OFD1: variants seen among roughly 807,000 people sequenced by gnomAD.
OFD1 encodes OFD1 centriole and centriolar satellite protein, also known as centriole and centriolar satellite protein OFD1.
In OFD1, 12 loss-of-function variants were observed where a neutral mutation model predicts 81.4. That is an observed-to-expected ratio of 0.15 (90% CI 0.09 to 0.24). The LOEUF is 0.24. Among genes scored for constraint, OFD1 ranks in the 10% least tolerant of loss-of-function variants. The pLI is 1.00. For synonymous variants in OFD1, 256 were observed against 263.7 expected (o/e 0.97, Z 0.28); for missense variants, 685 against 733.9 (o/e 0.93, Z 0.77).
the OFD1 span, among the ~76,000 whole-genome samples, chrX:13,715,029 C>T: frequency 8.9e-6 from 1 of 112,566 alleles, no homozygotes; most frequent in Non-Finnish European, 1.9e-5. Context: ...AAAGGCATTG[C>T]TGATTTTTAT....
At chrX:13,737,249 CTTGTT>C (rs1275985046) in intron 3 of OFD1, among the ~76,000 whole-genome samples, 1 of 103,580 alleles carries the variant, frequency 9.7e-6, no homozygotes, top group Non-Finnish European at 2.0e-5. Flanking sequence ...ATTAAAAACA[CTTGTT>C]TTTTTTTTTT....
chrX:13,756,867 A>T, intron 13 of OFD1, 100 bp downstream of exon 13: 1 of 657,382 alleles, frequency 1.5e-6, no homozygotes, highest in East Asian at 3.3e-5. Context: ...TAGGGGGCTT[A>T]CATTGGGAAG....
At chrX:13,753,002 TC>T in intron 10 of OFD1, 1 of 898,970 alleles carries the variant, frequency 1.1e-6, no homozygotes. Flanking sequence ...GAAGTGACCG[TC>T]TGATTATCAT....
intron 6 of OFD1, among the ~76,000 whole-genome samples, chrX:13,746,083 C>T (rs1411040630): frequency 5.4e-5 from 6 of 111,978 alleles, no homozygotes; most frequent in Non-Finnish European, 7.5e-5. Context: ...ACAATTTTAG[C>T]GAACACTTGT....
intron 3 of OFD1, 89 bp downstream of exon 3, chrX:13,736,767 C>T: frequency 1.5e-6 from 1 of 653,724 alleles, no homozygotes; most frequent in Admixed American, 2.5e-5. Flanking sequence ...GCTAAGTGCT[C>T]CTCGACTAGG....
chrX:13,739,616 C>T (rs772006902), intron 5 of OFD1: 1 of 116,539 alleles, frequency 8.6e-6, no homozygotes, highest in Non-Finnish European at 1.8e-5. Context: ...GGCGTAGTGG[C>T]GCATGCTTGT....
intron 5 of OFD1, among the ~76,000 whole-genome samples, chrX:13,740,567 CT>C (rs2047052664): frequency 9.0e-6 from 1 of 111,031 alleles, no homozygotes; most frequent in Admixed American, 9.6e-5. Flanking sequence ...GCAAACCTGG[CT>C]GATCACTTGA....
At chrX:13,761,305 G>A in intron 17 of OFD1, 94 bp downstream of exon 17, 1 of 865,695 alleles carries the variant, frequency 1.2e-6, no homozygotes, top group Non-Finnish European at 1.7e-6. Flanking sequence ...TTTTTTTTGA[G>A]ATAATTATTA....
At chrX:13,769,372 A>AGGTT (rs1780343643), downstream of OFD1, 5 of 342,395 alleles carry the variant, frequency 1.5e-5, no homozygotes, top group Admixed American at 5.2e-5. Flanking sequence ...TTTTTGTCTT[A>AGGTT]AATTTATAAA....
At chrX:13,733,647 A>C (rs148892043), upstream of OFD1, among the ~76,000 whole-genome samples, 2,003 of 112,045 alleles carry the variant, frequency 0.018, 40 homozygotes, top group African/African-American at 0.062. Flanking sequence ...CTGACATCCA[A>C]TTCTGTCCTC....
chrX:13,739,428 T>C (rs2047001611), intron 5 of OFD1: 1 of 151,039 alleles, frequency 6.6e-6, no homozygotes, highest in Admixed American at 7.5e-5. Flanking sequence ...TGTTCAGTAA[T>C]GTGTTATATA....
At position 13,746,370 on chromosome X, in the gene OFD1, G is replaced by A. The variant is rs150560046; in HGVS notation, c.569G>A (p.Arg190His). ...DDQFADAYPQ[R>H]IKFESLEIKL... ...CAGTTTGCAGATGCTTACCCTCAGC[G>A]TATCAAGTTCGAATCTTTAGAAATA... The change falls in exon 7 of 23, where the codon CGT becomes CAT. Residue 190 changes from arginine (R) to histidine (H), a missense_variant. Transcript: ENST00000340096. 29 of 1,202,300 alleles carry A rather than the reference G, an allele frequency of 2.4e-5. No individual in the cohort carries two copies. The highest frequency in any genetic ancestry group is 3.5e-5 in the South Asian group (2 of 56,621).
At chrX:13,727,268 A>AAC in the OFD1 span, among the ~76,000 whole-genome samples, 1 of 112,015 alleles carries the variant, frequency 8.9e-6, no homozygotes, top group African/African-American at 3.2e-5. Context: ...ACATCTACAG[A>AAC]ACTCTCCACC....
chrX:13,727,908 T>A, the OFD1 span, among the ~76,000 whole-genome samples: 1 of 111,110 alleles, frequency 9.0e-6, no homozygotes, highest in Non-Finnish European at 1.9e-5. Context: ...TAAAAAATGA[T>A]AAAGGGGATA....
At chrX:13,722,208 C>CCAAAAAAAAAAAAAAAA in the OFD1 span, 1 of 36,116 alleles carries the variant, frequency 2.8e-5, no homozygotes, top group African/African-American at 1.2e-4. Context: ...TAAGCAGCAG[C>CCAAAAAAAAAAAAAAAA]AAAAAAAAAA....
the OFD1 span, among the ~76,000 whole-genome samples, chrX:13,717,034 TAAAAAAAAAAAAAAAA>T: frequency 2.3e-3 from 88 of 37,944 alleles, no homozygotes; most frequent in African/African-American, 9.5e-3. Flanking sequence ...GATACTATGT[TAAAAAAAAAAAAAAAA>T]AAAAAAAAAA....
chrX:13,735,299 A>C lies in OFD1; in HGVS notation c.64A>C (p.Lys22Gln). 1 of 1,211,379 alleles carries C rather than the reference A, an allele frequency of 8.3e-7. No individual in the cohort carries two copies. Among genetic ancestry groups the C allele is most frequent in the Non-Finnish European group, 1.1e-6 (1 of 895,076 alleles). ...DVLSQDELRK[K>Q]LYQTFKDRGI... ...GTTGAGTCAAGATGAACTGCGCAAA[A>C]AGCTATACCAGACGTTTAAGGATCG... Residue 22 changes from lysine (K) to glutamine (Q), a missense_variant, in exon 2 of 23, where the codon AAG becomes CAG. By Grantham distance (53) the Lys-to-Gln change is moderately conservative. Around this residue, in one of 3 missense-constraint regions of OFD1, gnomAD observed 414 missense variants for 447.2 expected, o/e 0.93. Coordinates refer to ENST00000340096, the MANE Select transcript of OFD1 (RefSeq NM_003611.3).
chrX:13,716,455 C>T, the OFD1 span: 3 of 1,113,829 alleles, frequency 2.7e-6, no homozygotes, highest in Non-Finnish European at 3.7e-6. Flanking sequence ...GACTCAGAGC[C>T]TGGCATCTAT....
the OFD1 span, among the ~76,000 whole-genome samples, chrX:13,718,662 A>T: frequency 4.4e-5 from 5 of 112,464 alleles, no homozygotes; most frequent in African/African-American, 1.6e-4. Context: ...AATCCCGTAA[A>T]CAAATGCCTA....
Sources: allele counts gnomAD v4.1 joint callset (sites outside exome capture counted in the v4.1 genomes callset), GRCh38; gene constraint gnomAD v4.1.1; regional missense constraint gnomAD v4.1.1; transcripts MANE v1.5; gene names NCBI Gene and HGNC (gene_info 2026-07-23, HGNC 2026-07-21).